The following CRACD variants were observed in gnomAD, a reference collection of about 807,000 sequenced individuals.
CRACD encodes the protein capping protein inhibiting regulator of actin dynamics.
A neutral mutation model predicts 106.8 loss-of-function variants in CRACD; 56 were observed. That is an observed-to-expected ratio of 0.52 (90% confidence interval 0.42 to 0.66). CRACD has a LOEUF of 0.66. Ranked by LOEUF, CRACD falls within the 30% of genes least tolerant of loss-of-function variation. The pLI, the probability that CRACD is intolerant of heterozygous loss-of-function variation, is 0.00. For synonymous variants in CRACD, 754 were observed against 670.8 expected (o/e 1.12, Z -1.92); for missense variants, 1,730 against 1,623.2 (o/e 1.07, Z -1.13).
chr4:56,171,666 T>G (rs2109917329), intron 1 of CRACD, among the ~76,000 whole-genome samples: 1 of 152,284 alleles, frequency 6.6e-6, no homozygotes, highest in Non-Finnish European at 1.5e-5. Flanking sequence ...AGGAGGATGA[T>G]AAATAATAAT....
intron 1 of CRACD, among the ~76,000 whole-genome samples, chr4:56,161,718 C>T (rs1456147717): frequency 6.6e-6 from 1 of 151,614 alleles, no homozygotes; most frequent in African/African-American, 2.4e-5. Flanking sequence ...CCTCAGCCTC[C>T]CAAAGTGCTG....
At chr4:56,184,098 T>G (rs1736979976) in intron 2 of CRACD, among the ~76,000 whole-genome samples, 1 of 152,000 alleles carries the variant, frequency 6.6e-6, no homozygotes, top group African/African-American at 2.4e-5. Context: ...CAAGACAGAG[T>G]CTTGATCTGT....
At chr4:56,085,350 C>A (rs1733178141) in intron 1 of CRACD, among the ~76,000 whole-genome samples, 1 of 152,002 alleles carries the variant, frequency 6.6e-6, no homozygotes, top group Non-Finnish European at 1.5e-5. Flanking sequence ...TAAAGTCTCC[C>A]TTTATTTTTT....
intron 2 of CRACD, among the ~76,000 whole-genome samples, chr4:56,252,673 G>T (rs1741121883): frequency 6.6e-6 from 1 of 152,194 alleles, no homozygotes; most frequent in African/African-American, 2.4e-5. Context: ...AAAGTTACAG[G>T]ATTATTGAAG....
chr4:56,306,000 G>A (rs545095977), intron 4 of CRACD, among the ~76,000 whole-genome samples: 2 of 152,198 alleles, frequency 1.3e-5, no homozygotes, highest in Non-Finnish European at 2.9e-5. Flanking sequence ...CACCAGTGGA[G>A]TACAATGAAA....
intron 1 of CRACD, among the ~76,000 whole-genome samples, chr4:56,083,026 G>A (rs763021671): frequency 3.3e-5 from 5 of 152,154 alleles, no homozygotes; most frequent in Non-Finnish European, 4.4e-5. Context: ...CAGAATTAGA[G>A]AGAGAAGGGG....
chr4:56,298,381 A>G (rs1357359167), intron 4 of CRACD, 32 bp downstream of exon 4: 49 of 1,611,204 alleles, frequency 3.0e-5, no homozygotes, highest in Non-Finnish European at 4.2e-5. Flanking sequence ...ATTACGAGCC[A>G]TAGGAGGGGC....
At chr4:56,244,548 A>G (rs766920855) in intron 2 of CRACD, among the ~76,000 whole-genome samples, 1 of 152,226 alleles carries the variant, frequency 6.6e-6, no homozygotes, top group Non-Finnish European at 1.5e-5. Flanking sequence ...TTCAGCTAGT[A>G]TATGTCAGGG....
chr4:56,315,851 A>C lies in CRACD; in HGVS notation c.2349A>C (p.Ala783=), dbSNP rs1251408369. ...AGTCGGAGATGCACCGGGAGCCCGCAGACACCACCGAGGGATGCAAATTTG... is the reference window on the plus strand; with the variant it reads ...AGTCGGAGATGCACCGGGAGCCCGCCGACACCACCGAGGGATGCAAATTTG... ...PEKSEMHREP[A]DTTEGCKFAK... is the part of the protein sequence containing the mutation. The change falls in exon 8 of 11, where the codon GCA becomes GCC. Residue 783 remains alanine, a synonymous_variant. Coordinates refer to ENST00000682029, the MANE Select transcript of CRACD (RefSeq NM_001393381.1). This position sits in a 1 kb window ranked among gnomAD's most constrained non-coding sequence, Gnocchi z 4.1. The C allele has an allele frequency of 6.2e-7, 1 of 1,613,990 alleles. No homozygotes were observed. Among genetic ancestry groups the C allele is most frequent in the Non-Finnish European group, 8.5e-7 (1 of 1,180,026 alleles).
intron 1 of CRACD, among the ~76,000 whole-genome samples, chr4:56,107,886 C>T (rs1359491763): frequency 6.6e-6 from 1 of 152,174 alleles, no homozygotes; most frequent in Non-Finnish European, 1.5e-5. Context: ...ACACATTAGG[C>T]CATCGCTAGT....
chr4:56,204,103 A>G (rs922696673), intron 2 of CRACD, among the ~76,000 whole-genome samples: 1 of 152,206 alleles, frequency 6.6e-6, no homozygotes, highest in Non-Finnish European at 1.5e-5. Context: ...GCTGGATTCT[A>G]CCTGCCTCCA....
chr4:56,198,434 A>G (rs1181330282), intron 2 of CRACD, among the ~76,000 whole-genome samples: 1 of 152,168 alleles, frequency 6.6e-6, no homozygotes, highest in Non-Finnish European at 1.5e-5. Context: ...AAGATATTCT[A>G]CCCATCTGGT....
chr4:56,130,498 A>G (rs1734790558), intron 1 of CRACD, among the ~76,000 whole-genome samples: 1 of 152,194 alleles, frequency 6.6e-6, no homozygotes, highest in Non-Finnish European at 1.5e-5. Context: ...AAATCTTTTA[A>G]GATCAAAACT....
chr4:56,214,263 T>TA (rs925627437), intron 2 of CRACD, among the ~76,000 whole-genome samples: 8 of 151,248 alleles, frequency 5.3e-5, no homozygotes, highest in African/African-American at 1.2e-4. Context: ...TTTTTGTAAT[T>TA]AAAAAAAAAT....
chr4:56,260,344 G>A (rs868319839), intron 2 of CRACD, among the ~76,000 whole-genome samples: 3 of 152,182 alleles, frequency 2.0e-5, no homozygotes, highest in African/African-American at 7.2e-5. Flanking sequence ...GGGGGAACGG[G>A]TTAGTGTGAT....
chr4:56,235,617 C>T (rs1577780143), intron 2 of CRACD, among the ~76,000 whole-genome samples: 1 of 152,276 alleles, frequency 6.6e-6, no homozygotes, highest in South Asian at 2.1e-4. Flanking sequence ...ACGCTACATG[C>T]TCAGAGTAGA....
At chr4:56,114,179 T>C (rs181502682) in intron 1 of CRACD, among the ~76,000 whole-genome samples, 16 of 151,658 alleles carry the variant, frequency 1.1e-4, no homozygotes, top group Admixed American at 2.6e-4. Flanking sequence ...TGTTCCTTCA[T>C]TGCTCCTTGT....
At chr4:56,059,045 T>A (rs964002743) in intron 1 of CRACD, among the ~76,000 whole-genome samples, 1 of 152,158 alleles carries the variant, frequency 6.6e-6, no homozygotes, top group Non-Finnish European at 1.5e-5. Context: ...ACAACCCCGG[T>A]TGATCCTAGA....
intron 1 of CRACD, among the ~76,000 whole-genome samples, chr4:56,137,135 A>G (rs1285548639): frequency 6.6e-6 from 1 of 152,056 alleles, no homozygotes; most frequent in Non-Finnish European, 1.5e-5. Context: ...GGCAATAGAA[A>G]TTTTTCAGCT....
Sources: allele counts gnomAD v4.1 joint callset (sites outside exome capture counted in the v4.1 genomes callset), GRCh38; gene constraint gnomAD v4.1.1; non-coding constraint Gnocchi (gnomAD v3.1); transcripts MANE v1.5; gene names NCBI Gene and HGNC (gene_info 2026-07-23, HGNC 2026-07-21).